The following CNTN5 variants were observed in gnomAD, a reference collection of about 807,000 sequenced individuals.
CNTN5 encodes contactin-5.
CNTN5 carries 77 observed loss-of-function variants against 129.1 expected under a neutral mutation model. The observed-to-expected ratio is 0.60, with a 90% CI of 0.50 to 0.72. The LOEUF (loss-of-function observed/expected upper bound fraction) is 0.72, where lower values mean the gene tolerates loss of function less well. CNTN5 is among the 30% of genes least tolerant of loss of function. The pLI is 0.00. For missense variants in CNTN5, 1,478 were observed against 1,328.8 expected (o/e 1.11, Z -1.75); for synonymous variants, 509 against 465.6 (o/e 1.09, Z -1.20).
At chr11:99,769,106 T>C (rs1279098045) in intron 3 of CNTN5, among the ~76,000 whole-genome samples, 1 of 152,182 alleles carries the variant, frequency 6.6e-6, no homozygotes, top group East Asian at 1.9e-4. Context: ...TGTGAAATTA[T>C]ACATTACTTG....
At chr11:99,729,277 A>G (rs987888092) in intron 3 of CNTN5, among the ~76,000 whole-genome samples, 4 of 152,086 alleles carry the variant, frequency 2.6e-5, no homozygotes, top group Non-Finnish European at 5.9e-5. Context: ...AGGAAAATTC[A>G]ATGCTCACTA....
In CNTN5 at chr11:99,420,486, T is replaced by C. The variant is rs1342511051; in HGVS notation, c.-71+95002T>C. Among the ~76,000 whole-genome samples, 3 of 152,184 alleles carry C rather than the reference T, an allele frequency of 2.0e-5. No homozygotes were observed. The East Asian group carries it at 5.8e-4, about 29-fold the overall frequency. Reference sequence around the variant, plus strand: ...CATAATGTCACACTCAAAAAATTTTTTAAAAACCTCTAGTGTTGTCATAAA... The same window carrying C: ...CATAATGTCACACTCAAAAAATTTTCTAAAAACCTCTAGTGTTGTCATAAA... On this transcript the variant is annotated intron_variant, in intron 2 of 24. Transcript: ENST00000524871.
chr11:100,269,214 T>C (rs907764049), intron 17 of CNTN5, among the ~76,000 whole-genome samples: 3 of 152,164 alleles, frequency 2.0e-5, no homozygotes, highest in Non-Finnish European at 4.4e-5. Context: ...AGATGAGTAA[T>C]AGAGATCTGG....
At chr11:99,182,552 T>G (rs1011549236) in intron 1 of CNTN5, among the ~76,000 whole-genome samples, 4 of 152,128 alleles carry the variant, frequency 2.6e-5, no homozygotes, top group African/African-American at 9.7e-5. Context: ...TGTGACATGG[T>G]GAGTGTATCA....
chr11:99,613,348 A>G (rs1950651755), intron 3 of CNTN5, among the ~76,000 whole-genome samples: 1 of 152,118 alleles, frequency 6.6e-6, no homozygotes, highest in South Asian at 2.1e-4. Flanking sequence ...TTCTTCCTGC[A>G]GTCTTGGGGA....
At chr11:99,977,847 C>G (rs1380917491) in intron 8 of CNTN5, among the ~76,000 whole-genome samples, 2 of 152,178 alleles carry the variant, frequency 1.3e-5, no homozygotes, top group Non-Finnish European at 2.9e-5. Flanking sequence ...ATAACAAATA[C>G]ACTAGTCAGG....
chr11:99,310,656 A>C (rs2135968181), intron 1 of CNTN5, among the ~76,000 whole-genome samples: 1 of 152,286 alleles, frequency 6.6e-6, no homozygotes, highest in African/African-American at 2.4e-5. Context: ...ATTGAGAAGT[A>C]TTTTTGTGAT....
At chr11:99,651,685 C>T (rs1184072055) in intron 3 of CNTN5, among the ~76,000 whole-genome samples, 1 of 151,902 alleles carries the variant, frequency 6.6e-6, no homozygotes, top group Non-Finnish European at 1.5e-5. Context: ...AAATTAAAAT[C>T]AAGTCACTTC....
chr11:100,111,990 A>G (rs1300952502), intron 13 of CNTN5, among the ~76,000 whole-genome samples: 3 of 152,176 alleles, frequency 2.0e-5, no homozygotes, highest in Non-Finnish European at 2.9e-5. Flanking sequence ...TAAATGCTGC[A>G]ATTTTTCCAG....
chr11:99,127,027 C>A lies in CNTN5; in HGVS notation c.-210+105757C>A, dbSNP rs188634063. Among the ~76,000 whole-genome samples the A allele has an allele frequency of 3.2e-4, 49 of 152,228 alleles. No homozygotes were observed. In the Middle Eastern group the frequency reaches 0.017, roughly 53 times the overall value. The stretch of plus-strand genomic sequence containing the variant: ...ACCATTACTATCTATGTATTGATGA[C>A]TTTTTCTTTCCTTTTCTTTACTCCC... On this transcript the variant is annotated intron_variant, in intron 1 of 24. Coordinates refer to ENST00000524871, the MANE Select transcript of CNTN5 (RefSeq NM_014361.4).
intron 3 of CNTN5, among the ~76,000 whole-genome samples, chr11:99,777,077 A>C (rs550538773): frequency 6.6e-5 from 10 of 152,022 alleles, no homozygotes; most frequent in Non-Finnish European, 1.5e-4. Flanking sequence ...TCTACTTCCC[A>C]AGTAGCCATA....
intron 1 of CNTN5, chr11:99,049,814 C>A (rs189884756): frequency 1.8e-3 from 272 of 152,232 alleles, no homozygotes; most frequent in African/African-American, 6.3e-3. Context: ...ATTGTCTATA[C>A]AGCACTGGTA....
chr11:99,130,415 C>A lies in CNTN5; in HGVS notation c.-210+109145C>A, dbSNP rs184942020. 2.2e-3 allele frequency among the ~76,000 whole-genome samples: 331 copies of A among 152,286 alleles called. 1 individual carries two copies. Among genetic ancestry groups the A allele is most frequent in the African/African-American group, 7.5e-3 (310 of 41,572 alleles). ...GGTTTAATTCAACAAGAAAAGCTAA[C>A]TATCCTAAATATATATGCACCCAAT... On this transcript the variant is annotated intron_variant, in intron 1 of 24. Coordinates refer to ENST00000524871, the MANE Select transcript of CNTN5 (RefSeq NM_014361.4).
At chr11:99,575,386 A>G (rs998486203) in intron 3 of CNTN5, among the ~76,000 whole-genome samples, 16 of 152,184 alleles carry the variant, frequency 1.1e-4, no homozygotes, top group African/African-American at 3.9e-4. Context: ...ACCTCGGAAT[A>G]GGTACCAGAG....
At chr11:99,827,573 A>T (rs547892847) in intron 4 of CNTN5, among the ~76,000 whole-genome samples, 2 of 152,362 alleles carry the variant, frequency 1.3e-5, no homozygotes, top group East Asian at 3.9e-4. Flanking sequence ...CAGAAGAAAC[A>T]TGAGCAGCAT....
chr11:100,073,230 A>G (rs1231871466), intron 12 of CNTN5, among the ~76,000 whole-genome samples: 1 of 151,940 alleles, frequency 6.6e-6, no homozygotes, highest in Non-Finnish European at 1.5e-5. Flanking sequence ...CATTTTCAGT[A>G]GAGATGGGGT....
intron 3 of CNTN5, among the ~76,000 whole-genome samples, chr11:99,619,594 A>T (rs1950867020): frequency 6.6e-6 from 1 of 152,118 alleles, no homozygotes; most frequent in Non-Finnish European, 1.5e-5. Flanking sequence ...TCAAAACGAG[A>T]TTTAAATACA....
intron 3 of CNTN5, among the ~76,000 whole-genome samples, chr11:99,755,814 T>A (rs1040412362): frequency 6.6e-6 from 1 of 152,102 alleles, no homozygotes; most frequent in African/African-American, 2.4e-5. Flanking sequence ...TTAAGAAGTA[T>A]ATTTTTATAC....
At chr11:99,505,323 G>T (rs1337400913) in intron 2 of CNTN5, among the ~76,000 whole-genome samples, 2 of 152,012 alleles carry the variant, frequency 1.3e-5, no homozygotes, top group Non-Finnish European at 2.9e-5. Flanking sequence ...TACAAATTTG[G>T]GATATAAGAG....
Sources: allele counts gnomAD v4.1 joint callset (sites outside exome capture counted in the v4.1 genomes callset), GRCh38; gene constraint gnomAD v4.1.1; transcripts MANE v1.5; gene names NCBI Gene and HGNC (gene_info 2026-07-23, HGNC 2026-07-21).